CABIN1: variants seen among roughly 807,000 people sequenced by gnomAD.
The protein encoded by CABIN1 is calcineurin binding protein 1, also known as calcineurin-binding protein cabin-1.
CABIN1 carries 133 observed loss-of-function variants against 227.7 expected under a neutral mutation model. That is an observed-to-expected ratio of 0.58 (90% CI 0.51 to 0.67). The LOEUF (loss-of-function observed/expected upper bound fraction) is 0.67, where lower values mean the gene tolerates loss of function less well. CABIN1 is among the 30% of genes least tolerant of loss of function. The probability of loss-of-function intolerance (pLI) is 0.00; values close to 1 mark genes in which losing one functional copy is unlikely to be tolerated. For synonymous variants in CABIN1, 1,086 were observed against 1,155.1 expected, an observed-to-expected ratio of 0.94 and a Z score of 1.21; for missense variants, 2,408 against 2,852.5, an observed-to-expected ratio of 0.84 and a Z score of 3.55.
In CABIN1 at chr22:24,062,054, G is replaced by C. The variant is rs753511274; in HGVS notation, c.1696+29G>C. 2.5e-6 allele frequency: 4 copies of C among 1,573,872 alleles called. No individual in the cohort carries two copies. The East Asian group carries it at 8.9e-5, about 35-fold the overall frequency. On this transcript the variant is annotated intron_variant, in intron 13 of 36. Coordinates refer to ENST00000263119, the MANE Select transcript of CABIN1 (RefSeq NM_012295.4). Reference sequence around the variant, plus strand: ...GGAGGCATTATGTGTTCTGTGGCCAGGCTAATATCTGAACCCCCAGCAGCT... The same window carrying C: ...GGAGGCATTATGTGTTCTGTGGCCACGCTAATATCTGAACCCCCAGCAGCT...
At chr22:24,048,537 C>T (rs1158980273) in intron 6 of CABIN1, among the ~76,000 whole-genome samples, 1 of 152,146 alleles carries the variant, frequency 6.6e-6, no homozygotes, top group Non-Finnish European at 1.5e-5. Flanking sequence ...TCTCCCACAT[C>T]AGCCTCCTGA....
chr22:24,151,580 A>G (rs1035023948), intron 29 of CABIN1, among the ~76,000 whole-genome samples: 2 of 152,142 alleles, frequency 1.3e-5, no homozygotes, highest in African/African-American at 4.8e-5. Context: ...AAGCCTGGGC[A>G]GCAAGGTGGG....
intron 26 of CABIN1, among the ~76,000 whole-genome samples, chr22:24,107,301 G>C (rs903252812): frequency 3.3e-5 from 5 of 152,172 alleles, no homozygotes; most frequent in African/African-American, 1.2e-4. Flanking sequence ...CTTAAACAAG[G>C]GTTTGTCTAG....
chr22:24,072,392 G>A lies in CABIN1; in HGVS notation c.2514G>A (p.Lys838=). 1 of 1,614,198 alleles carries A rather than the reference G, an allele frequency of 6.2e-7. No homozygotes were observed. Among genetic ancestry groups the A allele is most frequent in the Non-Finnish European group, 8.5e-7 (1 of 1,180,022 alleles). Residue 838 remains lysine, a synonymous_variant, in exon 18 of 37, where the codon AAG becomes AAA. Coordinates refer to ENST00000263119, the MANE Select transcript of CABIN1 (RefSeq NM_012295.4). ...DCSMAVQEEA[K]EPHVSSVLPW... Reference sequence around the variant, plus strand: ...GCATGGCTGTGCAGGAGGAGGCCAAGGAGCCCCACGTCTCTTCAGTGCTAC... The same window carrying A: ...GCATGGCTGTGCAGGAGGAGGCCAAAGAGCCCCACGTCTCTTCAGTGCTAC...
intron 29 of CABIN1, chr22:24,156,115 G>A (rs1008425145): frequency 2.5e-6 from 1 of 406,382 alleles, no homozygotes; most frequent in Non-Finnish European, 4.4e-6. Context: ...GACTGGGGCC[G>A]GGACTGGGGC....
intron 29 of CABIN1, among the ~76,000 whole-genome samples, chr22:24,136,570 T>C (rs2044428638): frequency 7.0e-6 from 1 of 143,686 alleles, no homozygotes; most frequent in South Asian, 2.2e-4. Context: ...TTCACCATGT[T>C]GGCCAGGATG....
chr22:24,174,664 A>G (rs1379114167), intron 34 of CABIN1, among the ~76,000 whole-genome samples: 1 of 152,042 alleles, frequency 6.6e-6, no homozygotes, highest in African/African-American at 2.4e-5. Context: ...CAGTCAAGCT[A>G]TCATCAGTGC....
At chr22:24,117,074 A>T (rs567475681) in intron 27 of CABIN1, among the ~76,000 whole-genome samples, 4 of 152,166 alleles carry the variant, frequency 2.6e-5, no homozygotes. Context: ...TCTTCCAGTA[A>T]GGAAATGGAG....
chr22:24,134,523 C>T (rs992470395), intron 29 of CABIN1, 108 bp downstream of exon 29: 12 of 861,676 alleles, frequency 1.4e-5, no homozygotes, highest in Admixed American at 2.0e-5. Context: ...CTCAAGTTTG[C>T]GGCATCCTCA....
At chr22:24,162,135 G>A (rs1206216242) in intron 29 of CABIN1, 1 of 152,284 alleles carries the variant, frequency 6.6e-6, no homozygotes, top group Non-Finnish European at 1.5e-5. Context: ...TCGTGACTCT[G>A]CCTGGTGGCT....
chr22:24,117,773 T>G (rs1602179977), intron 27 of CABIN1, among the ~76,000 whole-genome samples: 1 of 152,346 alleles, frequency 6.6e-6, no homozygotes, highest in East Asian at 1.9e-4. Flanking sequence ...AAGCTCTCAG[T>G]GCCTGATGTG....
At chr22:24,145,832 G>C (rs1216766553) in intron 29 of CABIN1, among the ~76,000 whole-genome samples, 1 of 152,230 alleles carries the variant, frequency 6.6e-6, no homozygotes, top group African/African-American at 2.4e-5. Context: ...GGTAGTCTCA[G>C]CTCCTAATGC....
chr22:24,019,122 T>G (rs13058642), intron 1 of CABIN1, among the ~76,000 whole-genome samples: 5 of 24,698 alleles, frequency 2.0e-4, no homozygotes, highest in African/African-American at 2.8e-4. Flanking sequence ...TGAGTGTTGT[T>G]TTTTTTTTTT....
At chr22:24,057,227 C>T (rs778253430) in intron 10 of CABIN1, among the ~76,000 whole-genome samples, 2 of 148,276 alleles carry the variant, frequency 1.3e-5, no homozygotes, top group Non-Finnish European at 3.0e-5. Context: ...TGAGCCACGG[C>T]GCCCGGCCAG....
Position 24,119,628 on chromosome 22 carries a change from G to T in CABIN1, c.4562G>T (p.Ser1521Ile). 2.5e-6 allele frequency: 4 copies of T among 1,613,882 alleles called. No individual in the cohort carries two copies. The highest frequency in any genetic ancestry group is 3.4e-6 in the Non-Finnish European group (4 of 1,179,946). ...QCIASFRLCL[S>I]RFPQHYKSLY... ...ATCGCCTCCTTCCGCCTGTGCCTGA[G>T]CCGCTTCCCCCAGCACTATAAGAGT... The change falls in exon 28 of 37, where the codon AGC becomes ATC. Residue 1521 changes from serine to isoleucine, a missense_variant. Physicochemically the swap from Ser to Ile is moderately radical, Grantham distance 142. This residue lies in a region of CABIN1 where 649 missense variants were observed against 910.3 expected (regional missense o/e 0.71). Coordinates refer to ENST00000263119, the MANE Select transcript of CABIN1 (RefSeq NM_012295.4).
At chr22:24,040,542 T>G (rs1156998297) in intron 4 of CABIN1, among the ~76,000 whole-genome samples, 2 of 152,258 alleles carry the variant, frequency 1.3e-5, no homozygotes, top group Non-Finnish European at 2.9e-5. Flanking sequence ...ATGAAATAAC[T>G]TTTCATATTA....
chr22:24,168,580 C>G (rs993168874), intron 33 of CABIN1, 59 bp downstream of exon 33: 3 of 1,327,110 alleles, frequency 2.3e-6, no homozygotes, highest in African/African-American at 1.5e-5. Flanking sequence ...ATATCAAGGC[C>G]CTAGGATGCA....
At chr22:24,100,779 A>G (rs977030210) in intron 26 of CABIN1, among the ~76,000 whole-genome samples, 2 of 152,200 alleles carry the variant, frequency 1.3e-5, no homozygotes, top group African/African-American at 4.8e-5. Context: ...TCCATTGCAT[A>G]TGTGCTCTGC....
At chr22:24,067,945 G>T (rs982566051) in intron 16 of CABIN1, among the ~76,000 whole-genome samples, 4 of 152,080 alleles carry the variant, frequency 2.6e-5, no homozygotes, top group African/African-American at 9.7e-5. Context: ...CGCAAAATAT[G>T]CTTAGTGGCA....
Sources: allele counts gnomAD v4.1 joint callset (sites outside exome capture counted in the v4.1 genomes callset), GRCh38; gene constraint gnomAD v4.1.1; regional missense constraint gnomAD v4.1.1; transcripts MANE v1.5; gene names NCBI Gene and HGNC (gene_info 2026-07-23, HGNC 2026-07-21).